ZNF407: variants seen among roughly 807,000 people sequenced by gnomAD.
ZNF407 encodes zinc finger protein 407.
Under a neutral mutation model 131.2 loss-of-function variants are expected in ZNF407, and 17 were observed. The observed-to-expected ratio is 0.13, with a 90% confidence interval of 0.09 to 0.19. The LOEUF (loss-of-function observed/expected upper bound fraction) is 0.19, where lower values mean the gene tolerates loss of function less well. ZNF407 is among the 10% of genes least tolerant of loss of function. The pLI, the probability that ZNF407 is intolerant of heterozygous loss-of-function variation, is 1.00. For synonymous variants in ZNF407, 1,156 were observed against 1,062.0 expected, an observed-to-expected ratio of 1.09 and a Z score of -1.72; for missense variants, 2,681 against 2,830.6, an observed-to-expected ratio of 0.95 and a Z score of 1.20.
chr18:74,698,124 G>T lies in ZNF407; in HGVS notation c.4802+57002G>T, dbSNP rs190476608. On this transcript the variant is annotated intron_variant, in intron 3 of 8. Transcript: ENST00000299687. ...AGCGATCTATTATTTTATTTGATAA[G>T]ATTGTTTTTCCTTTGTTCATGCATA... 2.6e-3 allele frequency among the ~76,000 whole-genome samples: 393 copies of T among 152,292 alleles called. 1 individual carries two copies. Among genetic ancestry groups the T allele is most frequent in the Admixed American group, 4.3e-3 (65 of 15,282 alleles).
At chr18:74,942,141 T>A (rs566333029) in intron 8 of ZNF407, among the ~76,000 whole-genome samples, 1 of 152,282 alleles carries the variant, frequency 6.6e-6, no homozygotes, top group South Asian at 2.1e-4. Context: ...GTATTATTAA[T>A]ATAAACTAGA....
chr18:74,986,448 C>T (rs1014915245), intron 8 of ZNF407, among the ~76,000 whole-genome samples: 1 of 152,162 alleles, frequency 6.6e-6, no homozygotes, highest in Non-Finnish European at 1.5e-5. Flanking sequence ...TTAGCTAATA[C>T]TGTTTCTCGG....
chr18:74,863,887 A>T (rs1970973147), intron 4 of ZNF407, among the ~76,000 whole-genome samples: 1 of 152,216 alleles, frequency 6.6e-6, no homozygotes, highest in Non-Finnish European at 1.5e-5. Context: ...GTTTTATAGT[A>T]TTATAAAGTT....
intron 2 of ZNF407, among the ~76,000 whole-genome samples, chr18:74,639,888 T>TA (rs1568140814): frequency 2.0e-5 from 3 of 152,090 alleles, no homozygotes; most frequent in Non-Finnish European, 4.4e-5. Context: ...TTTTTTTTTT[T>TA]ACAAGGACAC....
intron 3 of ZNF407, among the ~76,000 whole-genome samples, chr18:74,769,046 C>G (rs919184787): frequency 1.3e-5 from 2 of 151,994 alleles, no homozygotes; most frequent in Non-Finnish European, 2.9e-5. Context: ...GCTAACAATT[C>G]CAGAGGAATT....
intron 7 of ZNF407, among the ~76,000 whole-genome samples, chr18:74,914,736 G>A (rs1438759655): frequency 6.6e-6 from 1 of 152,132 alleles, no homozygotes; most frequent in Non-Finnish European, 1.5e-5. Flanking sequence ...TTGACACCCA[G>A]GGGTGTTTCC....
chr18:74,734,811 C>T (rs1351402606), intron 3 of ZNF407, among the ~76,000 whole-genome samples: 1 of 151,878 alleles, frequency 6.6e-6, no homozygotes, highest in Admixed American at 6.6e-5. Context: ...TCTTCGAGTG[C>T]AGGAATCTCA....
intron 7 of ZNF407, among the ~76,000 whole-genome samples, chr18:74,902,565 G>A (rs1178350607): frequency 6.6e-6 from 1 of 152,156 alleles, no homozygotes; most frequent in Non-Finnish European, 1.5e-5. Context: ...GAGCATTTTT[G>A]TAAAAATGGA....
intron 7 of ZNF407, among the ~76,000 whole-genome samples, chr18:74,916,781 AGTGTGTGT>A (rs375090606): frequency 3.4e-5 from 3 of 87,924 alleles, no homozygotes; most frequent in East Asian, 3.1e-4. Context: ...TCGAATCGGG[AGTGTGTGT>A]GTGTGTGTGT....
chr18:74,862,087 T>G (rs1414652921), intron 4 of ZNF407, among the ~76,000 whole-genome samples: 1 of 152,246 alleles, frequency 6.6e-6, no homozygotes, highest in East Asian at 1.9e-4. Context: ...TTTAGGAATT[T>G]TCTTTAAAAG....
intron 8 of ZNF407, among the ~76,000 whole-genome samples, chr18:75,030,170 C>T (rs113060735): frequency 0.019 from 2,834 of 152,278 alleles, 33 homozygotes; most frequent in Non-Finnish European, 0.025. Context: ...CAAGTTTATT[C>T]ATCTGCCTGA....
intron 8 of ZNF407, among the ~76,000 whole-genome samples, chr18:74,968,446 C>G (rs1487048282): frequency 6.6e-6 from 1 of 152,134 alleles, no homozygotes; most frequent in African/African-American, 2.4e-5. Context: ...TTTGTCATTT[C>G]TTGTGTTCGA....
At chr18:74,872,978 A>T (rs1971108838) in intron 4 of ZNF407, among the ~76,000 whole-genome samples, 1 of 151,956 alleles carries the variant, frequency 6.6e-6, no homozygotes, top group South Asian at 2.1e-4. Flanking sequence ...AAGATGAATA[A>T]AAAGCCACCT....
chr18:74,640,914 G>T, intron 2 of ZNF407, 94 bp from the exon 3 acceptor site: 1 of 921,414 alleles, frequency 1.1e-6, no homozygotes, highest in Non-Finnish European at 1.7e-6. Flanking sequence ...TCTTAATTAG[G>T]TTAAAGGTAT....
chr18:74,917,848 A>G (rs1480379995), intron 7 of ZNF407, among the ~76,000 whole-genome samples: 1 of 152,234 alleles, frequency 6.6e-6, no homozygotes, highest in Non-Finnish European at 1.5e-5. Context: ...ATAAGGAAAT[A>G]ATATTGGTGG....
intron 5 of ZNF407, among the ~76,000 whole-genome samples, chr18:74,879,986 C>T (rs947202439): frequency 4.6e-5 from 7 of 152,198 alleles, no homozygotes; most frequent in Non-Finnish European, 8.8e-5. Flanking sequence ...TTTGGGACAA[C>T]ACAGCCTGAC....
At chr18:74,796,174 C>G (rs1969916616) in intron 4 of ZNF407, among the ~76,000 whole-genome samples, 1 of 152,110 alleles carries the variant, frequency 6.6e-6, no homozygotes, top group Admixed American at 6.5e-5. Flanking sequence ...TTTATTCGTT[C>G]TAGAGAAAGT....
At chr18:74,889,159 AG>A in intron 6 of ZNF407, among the ~76,000 whole-genome samples, 1 of 152,192 alleles carries the variant, frequency 6.6e-6, no homozygotes, top group East Asian at 1.9e-4. Flanking sequence ...GTAGGTGTGT[AG>A]TAGGTTGTTT....
intron 4 of ZNF407, among the ~76,000 whole-genome samples, chr18:74,867,626 A>G (rs1568247681): frequency 6.6e-6 from 1 of 152,210 alleles, no homozygotes; most frequent in Non-Finnish European, 1.5e-5. Flanking sequence ...TGAACTGAGC[A>G]GTACTGTTCT....
Sources: allele counts gnomAD v4.1 joint callset (sites outside exome capture counted in the v4.1 genomes callset), GRCh38; gene constraint gnomAD v4.1.1; transcripts MANE v1.5; gene names NCBI Gene and HGNC (gene_info 2026-07-23, HGNC 2026-07-21).